Variants in ST6GALNAC3 observed in about 807,000 individuals in gnomAD.
ST6GALNAC3 encodes the protein alpha-N-acetylgalactosaminide alpha-2,6-sialyltransferase 3.
ST6GALNAC3 carries 25 observed loss-of-function variants against 32.7 expected under a neutral mutation model. The observed-to-expected ratio is 0.76, with a 90% CI of 0.56 to 1.07. The LOEUF (loss-of-function observed/expected upper bound fraction) is 1.07. Among genes scored for constraint, ST6GALNAC3 ranks in the 50% least tolerant of loss-of-function variants. The pLI is 0.00. For missense variants in ST6GALNAC3, 355 were observed against 382.4 expected (o/e 0.93, Z 0.60); for synonymous variants, 129 against 133.1 (o/e 0.97, Z 0.21).
At chr1:76,489,582 C>G (rs540810700) in intron 3 of ST6GALNAC3, among the ~76,000 whole-genome samples, 3 of 152,144 alleles carry the variant, frequency 2.0e-5, no homozygotes, top group South Asian at 2.1e-4. Context: ...GAAACACAGT[C>G]TCAATTCAGG....
chr1:76,312,801 C>T (rs896459429), intron 1 of ST6GALNAC3, among the ~76,000 whole-genome samples: 3 of 152,104 alleles, frequency 2.0e-5, no homozygotes, highest in Non-Finnish European at 2.9e-5. Flanking sequence ...GCTTTTTCTC[C>T]TTCTTCGTGC....
chr1:76,170,505 A>G (rs1039852944), intron 1 of ST6GALNAC3, among the ~76,000 whole-genome samples: 2 of 152,132 alleles, frequency 1.3e-5, no homozygotes, highest in Non-Finnish European at 2.9e-5. Context: ...TCAAAAATCT[A>G]TATAAAGCTT....
chr1:76,086,019 C>T (rs1226114068), intron 1 of ST6GALNAC3, among the ~76,000 whole-genome samples: 4 of 152,192 alleles, frequency 2.6e-5, no homozygotes, highest in South Asian at 2.1e-4. Flanking sequence ...TGCCTTTGCA[C>T]GAGCTAGGGG....
chr1:76,135,028 G>A (rs1001024252), intron 1 of ST6GALNAC3, among the ~76,000 whole-genome samples: 4 of 152,010 alleles, frequency 2.6e-5, no homozygotes, highest in Non-Finnish European at 5.9e-5. Flanking sequence ...TGTAATCCCA[G>A]CTACTTGGAG....
Position 76,074,761 on chromosome 1 carries a change from T to G in ST6GALNAC3, c.-106T>G. 3 of 1,246,286 alleles carry G rather than the reference T, an allele frequency of 2.4e-6. No individual in the cohort carries two copies. The highest frequency in any genetic ancestry group is 3.3e-6 in the Non-Finnish European group (3 of 902,296). The allele number at this position is 1,246,286 out of a possible 1,614,324, so 77.2% of individuals were successfully genotyped here. On this transcript the variant is annotated 5_prime_UTR_variant, in exon 1 of 5. Transcript: ENST00000328299. ...CCCCTTATTTGGATCTGCGGGAATG[T>G]GGGCTGGAGAGGTCCTGCCGTGGTA...
At chr1:76,476,457 T>C (rs1277975298) in intron 3 of ST6GALNAC3, among the ~76,000 whole-genome samples, 2 of 152,206 alleles carry the variant, frequency 1.3e-5, no homozygotes, top group Non-Finnish European at 2.9e-5. Context: ...TGCCAGTAAG[T>C]ATTTTTTAAA....
intron 3 of ST6GALNAC3, among the ~76,000 whole-genome samples, chr1:76,589,307 A>G (rs537400480): frequency 6.6e-6 from 1 of 152,240 alleles, no homozygotes; most frequent in Admixed American, 6.5e-5. Flanking sequence ...TGCAAAAATC[A>G]TGCACTTTCC....
At chr1:76,435,864 T>A (rs79881281) in intron 3 of ST6GALNAC3, among the ~76,000 whole-genome samples, 3 of 151,510 alleles carry the variant, frequency 2.0e-5, no homozygotes, top group Admixed American at 6.6e-5. Context: ...TTTTTATTTT[T>A]TTTTTTAATG....
At chr1:76,245,982 G>T (rs925892225) in intron 1 of ST6GALNAC3, among the ~76,000 whole-genome samples, 1 of 152,104 alleles carries the variant, frequency 6.6e-6, no homozygotes, top group Non-Finnish European at 1.5e-5. Context: ...CTGTGTTGTT[G>T]ATCTGTCTAA....
intron 1 of ST6GALNAC3, among the ~76,000 whole-genome samples, chr1:76,205,442 C>T (rs1047887989): frequency 6.6e-6 from 1 of 152,074 alleles, no homozygotes; most frequent in Admixed American, 6.5e-5. Flanking sequence ...ATTCATCATT[C>T]CCTACAGAAG....
At chr1:76,408,555 A>G (rs370782427) in intron 2 of ST6GALNAC3, among the ~76,000 whole-genome samples, 1 of 152,098 alleles carries the variant, frequency 6.6e-6, no homozygotes, top group East Asian at 1.9e-4. Context: ...CAGCTGTGGC[A>G]TCCCAATGTG....
intron 3 of ST6GALNAC3, among the ~76,000 whole-genome samples, chr1:76,459,936 G>A (rs959989189): frequency 2.0e-5 from 3 of 152,104 alleles, no homozygotes; most frequent in East Asian, 1.9e-4. Context: ...TGTGAGTAGC[G>A]TTGTTATGCA....
At chr1:76,163,102 T>A (rs1454486619) in intron 1 of ST6GALNAC3, among the ~76,000 whole-genome samples, 1 of 152,200 alleles carries the variant, frequency 6.6e-6, no homozygotes, top group Non-Finnish European at 1.5e-5. Flanking sequence ...ACCTTAAGTC[T>A]TTTTCTCTTT....
intron 3 of ST6GALNAC3, among the ~76,000 whole-genome samples, chr1:76,603,226 A>C (rs1451056776): frequency 6.6e-6 from 1 of 152,216 alleles, no homozygotes; most frequent in Non-Finnish European, 1.5e-5. Context: ...TTCTACTCCT[A>C]GATATTTCCC....
chr1:76,345,250 G>C, intron 2 of ST6GALNAC3, among the ~76,000 whole-genome samples: 1 of 152,056 alleles, frequency 6.6e-6, no homozygotes, highest in East Asian at 1.9e-4. Context: ...TAAAGCTGTT[G>C]ACTAACTTCA....
chr1:76,208,658 T>C (rs530867091), intron 1 of ST6GALNAC3, among the ~76,000 whole-genome samples: 191 of 152,130 alleles, frequency 1.3e-3, no homozygotes, highest in Non-Finnish European at 2.5e-3. Flanking sequence ...TATAGGTGGG[T>C]CTGGAAAGGT....
intron 1 of ST6GALNAC3, chr1:76,309,875 G>C (rs1646723779): frequency 4.5e-6 from 2 of 446,408 alleles, no homozygotes; most frequent in Non-Finnish European, 9.0e-6. Context: ...GATAGAACAT[G>C]AGAGGCAGAC....
intron 3 of ST6GALNAC3, among the ~76,000 whole-genome samples, chr1:76,538,182 A>G (rs1663744115): frequency 6.6e-6 from 1 of 152,144 alleles, no homozygotes; most frequent in Admixed American, 6.6e-5. Context: ...TGATCAAGTC[A>G]GCTTCATCCC....
intron 1 of ST6GALNAC3, among the ~76,000 whole-genome samples, chr1:76,107,020 C>T (rs527454551): frequency 3.5e-4 from 54 of 152,296 alleles, no homozygotes; most frequent in South Asian, 2.1e-3. Flanking sequence ...AGGGTAATTA[C>T]CACATGCTGT....
Sources: gnomAD v4.1 joint callset for allele counts (sites outside exome capture counted in the v4.1 genomes callset) on GRCh38, gnomAD v4.1.1 for gene constraint, MANE v1.5 for transcripts, NCBI Gene and HGNC (gene_info 2026-07-23, HGNC 2026-07-21) for gene names.